The following RTP5 variants were observed in gnomAD, a reference collection of about 807,000 sequenced individuals.
The protein encoded by RTP5 is receptor-transporting protein 5.
Under a neutral mutation model 23.5 loss-of-function variants are expected in RTP5, and 30 were observed. The observed-to-expected ratio is 1.27, with a 90% CI of 0.95 to 1.73. The LOEUF (loss-of-function observed/expected upper bound fraction) is 1.73. Among genes scored for constraint, RTP5 ranks in the 40% most tolerant of loss-of-function variants. The probability of loss-of-function intolerance (pLI) is 0.00; values close to 1 mark genes in which losing one functional copy is unlikely to be tolerated. For synonymous variants in RTP5, 354 were observed against 342.1 expected, an observed-to-expected ratio of 1.03 and a Z score of -0.38; for missense variants, 807 against 784.2, an observed-to-expected ratio of 1.03 and a Z score of -0.35.
chr2:241,870,010 G>A (rs1400890262), intron 1 of RTP5, 96 bp downstream of exon 1: 3 of 1,249,140 alleles, frequency 2.4e-6, no homozygotes, highest in Non-Finnish European at 3.1e-6. Flanking sequence ...TGGGGCTGTT[G>A]GGCCTCGTCT....
chr2:241,872,557 C>A lies in RTP5; in HGVS notation c.1002C>A (p.Ser334Arg). 6.5e-7 allele frequency: 1 copy of A among 1,544,872 alleles called. No homozygotes were observed. Among genetic ancestry groups the A allele is most frequent in the African/African-American group, 1.4e-5 (1 of 72,832 alleles). ...TVFYCVGLSA[S>R]GEGSLTFPSS... ...TCTACTGTGTGGGCCTCTCGGCCAGCGGGGAGGGCTCCCTCACCTTCCCCT... is the reference window on the plus strand; with the variant it reads ...TCTACTGTGTGGGCCTCTCGGCCAGAGGGGAGGGCTCCCTCACCTTCCCCT... Residue 334 changes from serine to arginine, a missense_variant, in exon 2 of 2, where the codon AGC (serine) becomes AGA (arginine). By Grantham distance (110) the Ser-to-Arg change is moderately radical. Transcript: ENST00000343216.
chr2:241,872,020 G>C lies in RTP5; in HGVS notation c.465G>C (p.Gln155His). The C allele has an allele frequency of 6.4e-7, 1 of 1,570,930 alleles. No individual in the cohort carries two copies. Among genetic ancestry groups the C allele is most frequent in the Non-Finnish European group, 8.7e-7 (1 of 1,154,570 alleles). Reference sequence around the variant, plus strand: ...GTGAGCTGGGGGTCTGCTTCCTCCAGAAGGCCCCAGACCCCGCCTGGAGCG... The same window carrying C: ...GTGAGCTGGGGGTCTGCTTCCTCCACAAGGCCCCAGACCCCGCCTGGAGCG... The part of the protein sequence containing the change: ...EACELGVCFL[Q>H]KAPDPAWSAN... The change falls in exon 2 of 2, where the codon CAG (glutamine) becomes CAC (histidine). Residue 155 changes from glutamine to histidine, a missense_variant. Transcript: ENST00000343216.
At position 241,873,412 on chromosome 2, in the gene RTP5, G is replaced by C. The variant is rs1446156674; in HGVS notation, c.*138G>C. 7 of 463,748 alleles carry C rather than the reference G, an allele frequency of 1.5e-5. No individual in the cohort carries two copies. The highest frequency in any genetic ancestry group is 1.1e-5 in the Non-Finnish European group (4 of 379,788). 28.7% of individuals were successfully genotyped at this position (463,748 alleles called of 1,614,324 possible). On this transcript the variant is annotated 3_prime_UTR_variant, in exon 2 of 2. Transcript: ENST00000343216. The stretch of plus-strand genomic sequence containing the variant: ...CGAGACCCCTTTCTCTGAGACCCCC[G>C]CCTCTGAGGCCCCGCCCCCCGCCTC...
At chr2:241,870,765 G>A (rs974841604) in intron 1 of RTP5, among the ~76,000 whole-genome samples, 8 of 152,242 alleles carry the variant, frequency 5.3e-5, no homozygotes, top group African/African-American at 1.9e-4. Flanking sequence ...TGGCGGGAGA[G>A]AACTGAGGAC....
chr2:241,871,026 C>CAAAT (rs1412350431), intron 1 of RTP5: 1 of 471,098 alleles, frequency 2.1e-6, no homozygotes, highest in East Asian at 7.0e-5. Flanking sequence ...GTGTGGCTAG[C>CAAAT]AAATGGTCAC....
In RTP5 at chr2:241,869,864, G is replaced by T. The variant is rs777977897; in HGVS notation, c.108G>T (p.Pro36=). Residue 36 remains proline, a synonymous_variant, in exon 1 of 2, where the codon CCG becomes CCT. Coordinates refer to ENST00000343216, the MANE Select transcript of RTP5 (RefSeq NM_173821.3). The part of the protein sequence containing the change: ...WVLLPEHSLV[P]GCLDGGGVQY... ...TGCTACCTGAGCACAGCCTGGTCCC[G>T]GGATGCCTGGACGGCGGTGGTGTCC... The T allele has an allele frequency of 6.3e-7, 1 of 1,587,728 alleles. No individual in the cohort carries two copies. Among genetic ancestry groups the T allele is most frequent in the South Asian group, 1.1e-5 (1 of 87,602 alleles).
Position 241,871,902 on chromosome 2 carries a change from G to A in RTP5, c.347G>A (p.Arg116Lys). ...CCGGGCGAGCAGCCCTTCCTCAGCAGGCTGGTCTTGCACATCCTGCAGGAC... is the reference window on the plus strand; with the variant it reads ...CCGGGCGAGCAGCCCTTCCTCAGCAAGCTGGTCTTGCACATCCTGCAGGAC... ...RPPGEQPFLS[R>K]LVLHILQDCY... Residue 116 changes from arginine to lysine, a missense_variant, in exon 2 of 2, where the codon AGG (arginine) becomes AAG (lysine). Transcript: ENST00000343216. The A allele has an allele frequency of 6.4e-7, 1 of 1,569,512 alleles. No homozygotes were observed. The highest frequency in any genetic ancestry group is 8.6e-7 in the Non-Finnish European group (1 of 1,156,474).
chr2:241,869,889 C>A lies in RTP5; in HGVS notation c.133C>A (p.Gln45Lys). The change falls in exon 1 of 2, where the codon CAG becomes AAG. Residue 45 changes from glutamine to lysine, a missense_variant. By Grantham distance (53) the Gln-to-Lys change is moderately conservative. Coordinates refer to ENST00000343216, the MANE Select transcript of RTP5 (RefSeq NM_173821.3). ...GGGATGCCTGGACGGCGGTGGTGTC[C>A]AGTACCTGCTGGTGGGGCTCTCGAG... The part of the protein sequence containing the change: ...VPGCLDGGGV[Q>K]YLLVGLSRLQ... 6.4e-7 allele frequency: 1 copy of A among 1,567,036 alleles called. No individual in the cohort carries two copies. Among genetic ancestry groups the A allele is most frequent in the Non-Finnish European group, 8.6e-7 (1 of 1,159,130 alleles).
intron 1 of RTP5, among the ~76,000 whole-genome samples, chr2:241,870,340 G>A (rs1038925570): frequency 1.3e-5 from 2 of 152,250 alleles, no homozygotes; most frequent in Non-Finnish European, 2.9e-5. Flanking sequence ...TCGGGGGCCC[G>A]GGGTGGCTGT....
Position 241,869,810 on chromosome 2 carries a change from C to A in RTP5, c.54C>A (p.Ala18=). 1 of 1,555,412 alleles carries A rather than the reference C, an allele frequency of 6.4e-7. No individual in the cohort carries two copies. Among genetic ancestry groups the A allele is most frequent in the South Asian group, 1.2e-5 (1 of 84,676 alleles). ...CCAGCACCTTCACCCTGGCCATGGC[C>A]GAGAGGAAGCCCCAGGACGTCTGGG... is the stretch of plus-strand genomic sequence containing the variant. ...MWASTFTLAM[A]ERKPQDVWVL... Residue 18 remains alanine (A), a synonymous_variant, in exon 1 of 2, where the codon GCC becomes GCA. Coordinates refer to ENST00000343216, the MANE Select transcript of RTP5 (RefSeq NM_173821.3).
chr2:241,871,052 C>T (rs559855531), intron 1 of RTP5: 143 of 470,964 alleles, frequency 3.0e-4, no homozygotes, highest in African/African-American at 2.1e-3. Context: ...TGATGACCGC[C>T]ATGGACAAGC....
rs753582078 is a variant in RTP5, at chr2:241,871,965, G to C, written c.410G>C (p.Arg137Thr). ...GDGPGPARHPREAYEGCCEAC... is the reference protein window; with the variant it reads ...GDGPGPARHPTEAYEGCCEAC... The stretch of plus-strand genomic sequence containing the variant: ...GGCCCCGGCCCAGCCCGGCACCCCA[G>C]GGAGGCCTATGAGGGCTGCTGTGAG... The change falls in exon 2 of 2, where the codon AGG becomes ACG. Residue 137 changes from arginine to threonine, a missense_variant. Transcript: ENST00000343216. The C allele has an allele frequency of 2.5e-6, 4 of 1,592,454 alleles. No individual in the cohort carries two copies. Among genetic ancestry groups the C allele is most frequent in the African/African-American group, 1.3e-5 (1 of 74,530 alleles).
Position 241,872,507 on chromosome 2 carries a change from G to A in RTP5, c.952G>A (p.Val318Met), listed in dbSNP as rs1224681548. ...CTCCCTCAACAATGGCCTCGTCCCT[G>A]TGGGGAAACACACGCCAACCGTGTT... ...PISLNNGLVP[V>M]GKHTPTVFYC... Residue 318 changes from valine to methionine, a missense_variant, in exon 2 of 2, where the codon GTG becomes ATG. Val to Met is a conservative substitution (Grantham distance 21). Transcript: ENST00000343216. 3.1e-6 allele frequency: 5 copies of A among 1,588,830 alleles called. No individual in the cohort carries two copies. Among genetic ancestry groups the A allele is most frequent in the Non-Finnish European group, 3.4e-6 (4 of 1,167,046 alleles).
At chr2:241,870,028 G>C in intron 1 of RTP5, 114 bp downstream of exon 1, 1 of 1,026,886 alleles carries the variant, frequency 9.7e-7, no homozygotes, top group Non-Finnish European at 1.3e-6. Flanking sequence ...TCTTGTCCCC[G>C]AGACGGGAGG....
rs768444591 is a variant in RTP5, at chr2:241,872,257, C to T, written c.702C>T (p.Gly234=). The T allele has an allele frequency of 2.5e-6, 4 of 1,602,128 alleles. No individual in the cohort carries two copies. The African/African-American group carries it at 4.0e-5, about 16-fold the overall frequency. Residue 234 remains glycine (G), a synonymous_variant, in exon 2 of 2, where the codon GGC becomes GGT. Transcript: ENST00000343216. The stretch of plus-strand genomic sequence containing the variant: ...CGGGGGCCTCTCTCCCTGTGACTGG[C>T]AGCTGTGAGGCCCTGGTCATCGGCC... ...PPAGASLPVT[G]SCEALVIGQG...
intron 1 of RTP5, 41 bp downstream of exon 1, chr2:241,869,955 T>C: frequency 7.0e-7 from 1 of 1,432,914 alleles, no homozygotes; most frequent in Non-Finnish European, 9.1e-7. Context: ...GGCAGGGGGC[T>C]GAAGGTGCTT....
In RTP5 at chr2:241,872,071, C is replaced by T. The variant is rs547689524; in HGVS notation, c.516C>T (p.Pro172=). The T allele has an allele frequency of 1.7e-4, 272 of 1,572,742 alleles. No homozygotes were observed. The highest frequency in any genetic ancestry group is 2.1e-4 in the Non-Finnish European group (242 of 1,154,412). Residue 172 remains proline (P), a synonymous_variant, in exon 2 of 2, where the codon CCC becomes CCT. Transcript: ENST00000343216. ...WSANATKGNF[P]ATAWGGTGTV... is the part of the protein sequence containing the mutation. The stretch of plus-strand genomic sequence containing the variant: ...CCAACGCCACAAAAGGCAACTTCCC[C>T]GCCACGGCCTGGGGTGGCACTGGCA...
rs771900952 is a variant in RTP5 at position 241,871,694 on chromosome 2, C to T, written c.159-20C>T. On this transcript the variant is annotated intron_variant, in intron 1 of 1. Coordinates refer to ENST00000343216, the MANE Select transcript of RTP5 (RefSeq NM_173821.3). ...GGCCTCTTTCTCCTGCACTCACACA[C>T]ACTTCTTTCCCCGCCGCAGGCTCCA... 2 of 1,575,930 alleles carry T rather than the reference C, an allele frequency of 1.3e-6. No individual in the cohort carries two copies. Among genetic ancestry groups the T allele is most frequent in the Non-Finnish European group, 1.7e-6 (2 of 1,161,962 alleles).
rs764985888 is a variant in RTP5 at position 241,872,072 on chromosome 2, G to A, written c.517G>A (p.Ala173Thr). 43 of 1,573,166 alleles carry A rather than the reference G, an allele frequency of 2.7e-5. No individual in the cohort carries two copies. The Middle Eastern group carries it at 8.4e-4, about 31-fold the overall frequency. ...SANATKGNFP[A>T]TAWGGTGTVS... is the part of the protein sequence containing the mutation. ...CAACGCCACAAAAGGCAACTTCCCC[G>A]CCACGGCCTGGGGTGGCACTGGCAC... The change falls in exon 2 of 2, where the codon GCC becomes ACC. Residue 173 changes from alanine (A) to threonine (T), a missense_variant. Transcript: ENST00000343216.
Sources: gnomAD v4.1 joint callset for allele counts (sites outside exome capture counted in the v4.1 genomes callset) on GRCh38, gnomAD v4.1.1 for gene constraint, MANE v1.5 for transcripts, NCBI Gene and HGNC (gene_info 2026-07-23, HGNC 2026-07-21) for gene names.